The following VPS13A variants were observed in gnomAD, a reference collection of about 807,000 sequenced individuals.
VPS13A encodes the protein vacuolar protein sorting 13 homolog A.
VPS13A carries 264 observed loss-of-function variants against 390.9 expected under a neutral mutation model. The observed-to-expected ratio is 0.68, with a 90% CI of 0.61 to 0.75. VPS13A has a LOEUF of 0.75. Among genes scored for constraint, VPS13A ranks in the 30% least tolerant of loss-of-function variants. VPS13A has a pLI of 0.00. For missense variants in VPS13A, 3,409 were observed against 3,733.9 expected (o/e 0.91, Z 2.27); for synonymous variants, 1,231 against 1,227.1 (o/e 1.00, Z -0.07).
chr9:77,249,058 A>T (rs1824999835), intron 20 of VPS13A, among the ~76,000 whole-genome samples: 2 of 152,174 alleles, frequency 1.3e-5, no homozygotes, highest in African/African-American at 2.4e-5. Context: ...GATATAGAAC[A>T]TTTCCATTAT....
At chr9:77,370,859 T>G in intron 65 of VPS13A, 31 bp from the exon 66 acceptor site, 1 of 1,612,096 alleles carries the variant, frequency 6.2e-7, no homozygotes, top group African/African-American at 1.3e-5. Context: ...TAAAAAAGTA[T>G]TGTAAATTTT....
chr9:77,386,445 G>T (rs899259672), intron 68 of VPS13A, among the ~76,000 whole-genome samples: 7 of 151,844 alleles, frequency 4.6e-5, no homozygotes, highest in Admixed American at 1.3e-4. Flanking sequence ...TAATTTCATG[G>T]AATGGGATTC....
intron 5 of VPS13A, among the ~76,000 whole-genome samples, chr9:77,207,213 T>TTTTATATATATATATATA (rs1554859893): frequency 4.6e-5 from 2 of 43,126 alleles, no homozygotes; most frequent in African/African-American, 1.2e-4. Flanking sequence ...TATTTAGATA[T>TTTTATATATATATATATA]TATATATATA....
chr9:77,190,816 C>T (rs750388400), intron 1 of VPS13A, among the ~76,000 whole-genome samples: 2 of 152,118 alleles, frequency 1.3e-5, no homozygotes, highest in Non-Finnish European at 2.9e-5. Flanking sequence ...TGTATGTTTC[C>T]AGGAATTCAT....
At chr9:77,200,163 A>C (rs1336785868) in intron 2 of VPS13A, among the ~76,000 whole-genome samples, 175 bp downstream of exon 2, 1 of 152,186 alleles carries the variant, frequency 6.6e-6, no homozygotes, top group African/African-American at 2.4e-5. Flanking sequence ...GCACAAATGG[A>C]CAGTGTGATT....
chr9:77,415,952 G>A lies in VPS13A; in HGVS notation c.9475-4G>A, dbSNP rs76198745. 2.9e-5 allele frequency: 46 copies of A among 1,612,880 alleles called. No individual in the cohort carries two copies. Among genetic ancestry groups the A allele is most frequent in the East Asian group, 1.1e-4 (5 of 44,852 alleles). On this transcript the variant is annotated splice_polypyrimidine_tract_variant and splice_region_variant and intron_variant, in intron 71 of 71. Transcript: ENST00000360280. Reference sequence around the variant, plus strand: ...GCAAATGTTCATTTATTTTCCCACCGCAGTGGATCCTCACAAAGCTACAAG... The same window carrying A: ...GCAAATGTTCATTTATTTTCCCACCACAGTGGATCCTCACAAAGCTACAAG...
intron 65 of VPS13A, 125 bp from the exon 66 acceptor site, chr9:77,370,765 A>G (rs1013029350): frequency 1.4e-6 from 2 of 1,420,454 alleles, no homozygotes; most frequent in Non-Finnish European, 2.0e-6. Flanking sequence ...TAAAATACTT[A>G]GGAGATCTGT....
chr9:77,237,181 C>G (rs1038032472), intron 17 of VPS13A, among the ~76,000 whole-genome samples: 2 of 152,072 alleles, frequency 1.3e-5, no homozygotes, highest in African/African-American at 4.8e-5. Context: ...AGCCACCGAG[C>G]CCAGCCTAGA....
intron 52 of VPS13A, among the ~76,000 whole-genome samples, chr9:77,345,598 A>T (rs552285613): frequency 6.6e-6 from 1 of 152,044 alleles, no homozygotes; most frequent in East Asian, 1.9e-4. Flanking sequence ...GTTTAGGACT[A>T]CTCTTCAACA....
chr9:77,219,477 G>A (rs1284098767), intron 10 of VPS13A, among the ~76,000 whole-genome samples: 4 of 152,054 alleles, frequency 2.6e-5, no homozygotes, highest in Non-Finnish European at 5.9e-5. Context: ...GTAATCCAGA[G>A]CAAACTTTCA....
chr9:77,233,564 G>T (rs1438236590), intron 17 of VPS13A, among the ~76,000 whole-genome samples: 1 of 151,728 alleles, frequency 6.6e-6, no homozygotes, highest in African/African-American at 2.4e-5. Flanking sequence ...TGTGAGAACT[G>T]CTTTGGATAC....
chr9:77,261,015 A>G (rs1000619366), intron 23 of VPS13A, among the ~76,000 whole-genome samples: 2 of 151,392 alleles, frequency 1.3e-5, no homozygotes, highest in African/African-American at 4.9e-5. Flanking sequence ...TCTCTGCCTC[A>G]GCCTCCTGAG....
rs771943305 is a variant in VPS13A, at chr9:77,252,255, C to T, written c.2191C>T (p.Arg731Ter). ...SRVGDNWREA[R>*]KLSVSTQHIL... ...CTTAGGTGATAATTGGAGAGAAGCA[C>T]GAAAACTCAGTGTATCTACCCAGCA... Residue 731 changes from arginine (R) to a stop codon, truncating the protein, a stop_gained, in exon 22 of 72, where the codon CGA (arginine) becomes TGA (stop). Coordinates refer to ENST00000360280, the MANE Select transcript of VPS13A (RefSeq NM_033305.3). LOFTEE classifies it high-confidence loss of function. 17 of 1,613,612 alleles carry T rather than the reference C, an allele frequency of 1.1e-5. No homozygotes were observed. The highest frequency in any genetic ancestry group is 4.0e-5 in the African/African-American group (3 of 74,902).
At chr9:77,310,304 A>G (rs535728563) in intron 35 of VPS13A, among the ~76,000 whole-genome samples, 12 of 152,184 alleles carry the variant, frequency 7.9e-5, no homozygotes, top group Non-Finnish European at 1.8e-4. Context: ...GCTTTCATTA[A>G]AAAGTAAATG....
At chr9:77,256,098 G>A (rs1825429404) in intron 22 of VPS13A, among the ~76,000 whole-genome samples, 1 of 151,572 alleles carries the variant, frequency 6.6e-6, no homozygotes, top group Non-Finnish European at 1.5e-5. Context: ...ATTGATTTTA[G>A]GTCTTTCTTC....
chr9:77,244,270 T>A (rs940345820), intron 19 of VPS13A, among the ~76,000 whole-genome samples: 3 of 152,114 alleles, frequency 2.0e-5, no homozygotes, highest in African/African-American at 7.2e-5. Context: ...AGAGTAGTTA[T>A]GAGGAATATA....
intron 31 of VPS13A, among the ~76,000 whole-genome samples, chr9:77,285,726 T>C (rs1827286968): frequency 6.6e-6 from 1 of 152,200 alleles, no homozygotes; most frequent in Non-Finnish European, 1.5e-5. Flanking sequence ...GAATTATCAG[T>C]GCAAATATTT....
chr9:77,389,925 T>G (rs1833838274), intron 68 of VPS13A: 1 of 219,196 alleles, frequency 4.6e-6, no homozygotes, highest in Non-Finnish European at 7.7e-6. Flanking sequence ...GCTGTTTTTG[T>G]GTCTTGTATA....
At chr9:77,185,432 G>A (rs922103632) in intron 1 of VPS13A, among the ~76,000 whole-genome samples, 6 of 152,032 alleles carry the variant, frequency 3.9e-5, no homozygotes, top group Non-Finnish European at 5.9e-5. Context: ...GAGCTACTGC[G>A]CCCGGCTCGA....
Sources: allele counts gnomAD v4.1 joint callset (sites outside exome capture counted in the v4.1 genomes callset), GRCh38; gene constraint gnomAD v4.1.1; transcripts MANE v1.5; gene names NCBI Gene and HGNC (gene_info 2026-07-23, HGNC 2026-07-21).